MPPED2: variants seen among roughly 807,000 people sequenced by gnomAD.
MPPED2 encodes metallophosphoesterase MPPED2.
In MPPED2, 5 loss-of-function variants were observed where a neutral mutation model predicts 33.0. The ratio of observed to expected loss-of-function variants is 0.15; its 90% CI spans 0.08 to 0.32. The LOEUF (loss-of-function observed/expected upper bound fraction) is 0.32. MPPED2 is among the 10% of genes least tolerant of loss of function. The pLI is 1.00. For missense variants in MPPED2, 275 were observed against 372.1 expected (o/e 0.74, Z 2.15); for synonymous variants, 136 against 141.9 (o/e 0.96, Z 0.29).
intron 4 of MPPED2, among the ~76,000 whole-genome samples, chr11:30,472,511 CAA>C (rs924819553): frequency 6.6e-6 from 1 of 152,104 alleles, no homozygotes; most frequent in Non-Finnish European, 1.5e-5. Flanking sequence ...CTTCACAACC[CAA>C]GTGTCCATCA....
chr11:30,486,459 C>T (rs565537950), intron 4 of MPPED2, among the ~76,000 whole-genome samples: 12 of 152,288 alleles, frequency 7.9e-5, no homozygotes, highest in South Asian at 2.1e-4. Context: ...GTCCATAGGA[C>T]GTTCTGAGGG....
Position 30,420,780 on chromosome 11 carries a change from T to G in MPPED2, c.537-3147A>C, listed in dbSNP as rs184472214. On this transcript the variant is annotated intron_variant, in intron 4 of 6. Transcript: ENST00000358117. ...GAATCAGTCTTTCTCTCTCTTGTCC[T>G]TTAAGATTCCTCACCTTCAGGTTCT... 3.9e-5 allele frequency among the ~76,000 whole-genome samples: 6 copies of G among 152,310 alleles called. No homozygotes were observed. The East Asian group carries it at 1.2e-3, about 29-fold the overall frequency.
At chr11:30,480,671 G>A (rs374282422) in intron 4 of MPPED2, among the ~76,000 whole-genome samples, 1 of 152,104 alleles carries the variant, frequency 6.6e-6, no homozygotes, top group Non-Finnish European at 1.5e-5. Context: ...TATTTCACAA[G>A]TAATGAATGC....
chr11:30,404,348 T>C (rs12289054), intron 6 of MPPED2, among the ~76,000 whole-genome samples: 15,650 of 152,234 alleles, frequency 0.1, 826 homozygotes, highest in Middle Eastern at 0.17. Context: ...GCAAAAGCAT[T>C]TGGAGGTGAT....
intron 4 of MPPED2, among the ~76,000 whole-genome samples, chr11:30,442,548 A>G (rs1361094479): frequency 1.3e-5 from 2 of 152,238 alleles, no homozygotes; most frequent in African/African-American, 4.8e-5. Context: ...TCACTCATTC[A>G]GCCACATAAC....
At chr11:30,410,100 A>T (rs529060685), downstream of MPPED2, 3 of 984,654 alleles carry the variant, frequency 3.0e-6, no homozygotes, top group Non-Finnish European at 3.6e-6. Context: ...ATTGAAAATT[A>T]GGGAAAAAAA....
chr11:30,450,464 T>C (rs1004202648), intron 4 of MPPED2, among the ~76,000 whole-genome samples: 10 of 152,240 alleles, frequency 6.6e-5, no homozygotes, highest in Non-Finnish European at 1.0e-4. Flanking sequence ...GATGCAGTTA[T>C]TGGTCTCATT....
intron 4 of MPPED2, among the ~76,000 whole-genome samples, chr11:30,446,404 A>C (rs1489030070): frequency 6.6e-6 from 1 of 152,208 alleles, no homozygotes; most frequent in East Asian, 1.9e-4. Context: ...AGACACTGTA[A>C]TAGAATGGCA....
Position 30,529,525 on chromosome 11 carries a change from G to C in MPPED2, c.310+6469C>G, listed in dbSNP as rs188690965. Among the ~76,000 whole-genome samples the C allele has an allele frequency of 2.3e-3, 351 of 149,960 alleles. 1 individual carries two copies. The Middle Eastern group carries it at 0.027, about 12-fold the overall frequency. On this transcript the variant is annotated intron_variant, in intron 3 of 6. Coordinates refer to ENST00000358117, the MANE Select transcript of MPPED2 (RefSeq NM_001584.3). Reference sequence around the variant, plus strand: ...ACTTATATTTTGGCAAAAGATATTTGTGTGTGTGTGTGTGTGTGTATTTAT... The same window carrying C: ...ACTTATATTTTGGCAAAAGATATTTCTGTGTGTGTGTGTGTGTGTATTTAT...
chr11:30,405,340 G>T (rs1947973395), downstream of MPPED2, among the ~76,000 whole-genome samples: 1 of 152,176 alleles, frequency 6.6e-6, no homozygotes, highest in African/African-American at 2.4e-5. Flanking sequence ...GGAGTGTTCA[G>T]ATGCACCTCA....
chr11:30,417,638 G>T lies in MPPED2; in HGVS notation c.537-5C>A, dbSNP rs776799135. The T allele has an allele frequency of 1.3e-5, 20 of 1,571,620 alleles. No individual in the cohort carries two copies. The highest frequency in any genetic ancestry group is 5.4e-5 in the African/African-American group (4 of 73,928). ...CATCCATTAAACCACGGGGTCCTTTGGGGGAGATAATGCACATGGTATCAG... is the reference window on the plus strand; with the variant it reads ...CATCCATTAAACCACGGGGTCCTTTTGGGGAGATAATGCACATGGTATCAG... On this transcript the variant is annotated splice_region_variant and splice_polypyrimidine_tract_variant and intron_variant, in intron 4 of 6. Transcript: ENST00000358117.
At chr11:30,523,650 G>A (rs1212278217) in intron 3 of MPPED2, among the ~76,000 whole-genome samples, 5 of 132,262 alleles carry the variant, frequency 3.8e-5, no homozygotes, top group Non-Finnish European at 6.3e-5. Flanking sequence ...TTTTTGAGAC[G>A]GAGTTTCGCT....
chr11:30,541,581 A>G (rs80040399), intron 2 of MPPED2, among the ~76,000 whole-genome samples: 4,130 of 152,272 alleles, frequency 0.027, 93 homozygotes, highest in South Asian at 0.12. Context: ...GGCTGTGCTT[A>G]TGGATTCCAC....
chr11:30,460,371 G>C (rs1292961600), intron 4 of MPPED2, among the ~76,000 whole-genome samples: 4 of 152,162 alleles, frequency 2.6e-5, no homozygotes, highest in African/African-American at 4.8e-5. Context: ...TGTAATCCCA[G>C]TACTTTGGAA....
chr11:30,435,497 C>A (rs1181812626), intron 4 of MPPED2, among the ~76,000 whole-genome samples: 1 of 152,220 alleles, frequency 6.6e-6, no homozygotes, highest in East Asian at 1.9e-4. Context: ...ATCTAATACA[C>A]ACACAAAATC....
At chr11:30,501,915 T>A (rs1241789317) in intron 3 of MPPED2, among the ~76,000 whole-genome samples, 1 of 152,074 alleles carries the variant, frequency 6.6e-6, no homozygotes, top group African/African-American at 2.4e-5. Flanking sequence ...TCCAAGACAA[T>A]CTAGTGGTTT....
chr11:30,535,553 T>C (rs967303201), intron 3 of MPPED2, among the ~76,000 whole-genome samples: 6 of 152,188 alleles, frequency 3.9e-5, no homozygotes, highest in Non-Finnish European at 7.3e-5. Flanking sequence ...TATAGGAATT[T>C]TGTTTCATAT....
intron 3 of MPPED2, among the ~76,000 whole-genome samples, chr11:30,526,002 TA>T (rs1212473014): frequency 2.0e-5 from 3 of 152,208 alleles, no homozygotes; most frequent in Non-Finnish European, 4.4e-5. Context: ...TTGGGTTCAT[TA>T]TTTTCCCCCA....
At chr11:30,499,080 C>T (rs533605415) in intron 3 of MPPED2, among the ~76,000 whole-genome samples, 1 of 152,296 alleles carries the variant, frequency 6.6e-6, no homozygotes, top group African/African-American at 2.4e-5. Flanking sequence ...CCACTACCTC[C>T]CCAAAGCAGC....
Sources: allele counts gnomAD v4.1 joint callset (sites outside exome capture counted in the v4.1 genomes callset), GRCh38; gene constraint gnomAD v4.1.1; transcripts MANE v1.5; gene names NCBI Gene and HGNC (gene_info 2026-07-23, HGNC 2026-07-21).